Variants in TNKS observed in about 807,000 individuals in gnomAD.
TNKS encodes tankyrase, also known as poly [ADP-ribose] polymerase tankyrase-1.
TNKS carries 72 observed loss-of-function variants against 135.8 expected under a neutral mutation model. That is an observed-to-expected ratio of 0.53 (90% CI 0.44 to 0.64). TNKS has a LOEUF of 0.64. Ranked by LOEUF, TNKS falls within the 30% of genes least tolerant of loss-of-function variation. The pLI, the probability that TNKS is intolerant of heterozygous loss-of-function variation, is 0.00. For missense variants in TNKS, 1,769 were observed against 1,674.0 expected (o/e 1.06, Z -0.99); for synonymous variants, 849 against 649.3 (o/e 1.31, Z -4.68).
chr8:9,756,438 C>A (rs1307900164), intron 20 of TNKS, among the ~76,000 whole-genome samples: 1 of 151,552 alleles, frequency 6.6e-6, no homozygotes, highest in African/African-American at 2.4e-5. Flanking sequence ...AATCTTTATT[C>A]TTAGTAATTT....
intron 3 of TNKS, among the ~76,000 whole-genome samples, chr8:9,668,278 G>T (rs1802096144): frequency 6.6e-6 from 1 of 152,200 alleles, no homozygotes; most frequent in Admixed American, 6.5e-5. Context: ...AGAAATGATG[G>T]TTCCTAACCT....
rs377627322 is a variant in TNKS, at chr8:9,555,928, G to A, written c.-12G>A. On this transcript the variant is annotated 5_prime_UTR_variant, in exon 1 of 27. Coordinates refer to ENST00000310430, the MANE Select transcript of TNKS (RefSeq NM_003747.3). ...GCCGTTGCCGCAGTGACAGTGCTAG[G>A]GGAGTCCGAAGATGGCGGCGTCGCG... 25 of 1,605,192 alleles carry A rather than the reference G, an allele frequency of 1.6e-5. No homozygotes were observed. The African/African-American group carries it at 2.8e-4, about 18-fold the overall frequency.
intron 1 of TNKS, among the ~76,000 whole-genome samples, chr8:9,560,051 T>C (rs926641415): frequency 6.6e-6 from 1 of 152,170 alleles, no homozygotes; most frequent in Admixed American, 6.5e-5. Flanking sequence ...ACAGATGTGG[T>C]CCTTGACCCT....
intron 17 of TNKS, among the ~76,000 whole-genome samples, chr8:9,740,055 T>TAA (rs58285747): frequency 0.016 from 1,357 of 85,872 alleles, no homozygotes; most frequent in East Asian, 0.018. Context: ...TAGAGTATAA[T>TAA]AAAAAAAAAA....
chr8:9,699,183 A>T (rs1803673590), intron 5 of TNKS, among the ~76,000 whole-genome samples: 2 of 152,240 alleles, frequency 1.3e-5, no homozygotes, highest in Admixed American at 1.3e-4. Context: ...TGTGTATTTT[A>T]GAAATGGGGC....
intron 1 of TNKS, among the ~76,000 whole-genome samples, chr8:9,574,135 T>A (rs563877813): frequency 2.0e-5 from 3 of 152,352 alleles, no homozygotes; most frequent in Non-Finnish European, 4.4e-5. Context: ...GCACACCACA[T>A]AGTATATTTT....
chr8:9,661,458 AG>A (rs1801705865), intron 3 of TNKS, among the ~76,000 whole-genome samples: 2 of 152,114 alleles, frequency 1.3e-5, no homozygotes, highest in South Asian at 4.1e-4. Flanking sequence ...ATTTTTGACA[AG>A]CCTGACAAAA....
rs1160133016 is a variant in TNKS, at chr8:9,660,957, A to G, written c.995-18994A>G. 1.3e-4 allele frequency among the ~76,000 whole-genome samples: 19 copies of G among 148,462 alleles called. No individual in the cohort carries two copies. In the Admixed American group the frequency reaches 1.3e-3, roughly 10 times the overall value. On this transcript the variant is annotated intron_variant, in intron 3 of 26. Transcript: ENST00000310430. ...ATACACCAATAGCAGACAGAGAGCCAAATCATGAGTGAACTCCCATTCACA... is the reference window on the plus strand; with the variant it reads ...ATACACCAATAGCAGACAGAGAGCCGAATCATGAGTGAACTCCCATTCACA...
chr8:9,767,544 A>G (rs1333651530), intron 25 of TNKS, among the ~76,000 whole-genome samples: 1 of 152,190 alleles, frequency 6.6e-6, no homozygotes, highest in African/African-American at 2.4e-5. Flanking sequence ...GTGATTATTG[A>G]CCTTAAAACT....
intron 3 of TNKS, among the ~76,000 whole-genome samples, chr8:9,661,799 C>T (rs1000268774): frequency 2.6e-5 from 4 of 152,130 alleles, no homozygotes; most frequent in Non-Finnish European, 5.9e-5. Context: ...GAACGGGCTA[C>T]CTACAGAATG....
At chr8:9,699,542 A>C (rs1047972898) in intron 5 of TNKS, among the ~76,000 whole-genome samples, 1 of 151,802 alleles carries the variant, frequency 6.6e-6, no homozygotes, top group Non-Finnish European at 1.5e-5. Context: ...ATTTATTTCT[A>C]TGTGCCTTCT....
rs1026061416 is a variant in TNKS, at chr8:9,658,492, T to C, written c.995-21459T>C. 46 of 590,154 alleles carry C rather than the reference T, an allele frequency of 7.8e-5. 2 individuals carry two copies. The highest frequency in any genetic ancestry group is 4.6e-4 in the African/African-American group (23 of 49,858). The allele number at this position is 590,154 out of a possible 1,614,324, so 36.6% of individuals were successfully genotyped here. On this transcript the variant is annotated intron_variant, in intron 3 of 26. Transcript: ENST00000310430. The stretch of plus-strand genomic sequence containing the variant: ...TCATATCCAGCCAAACTAAGCTTCA[T>C]AAGTGAAGGAGAAATAAAATCCTTT...
chr8:9,627,892 A>G (rs1168354083), intron 3 of TNKS, among the ~76,000 whole-genome samples: 2 of 152,150 alleles, frequency 1.3e-5, no homozygotes, highest in Admixed American at 6.6e-5. Flanking sequence ...TATTTCATTG[A>G]AAAAATAGAT....
intron 3 of TNKS, among the ~76,000 whole-genome samples, chr8:9,652,804 C>T (rs930447528): frequency 2.6e-5 from 4 of 151,938 alleles, no homozygotes; most frequent in Admixed American, 2.6e-4. Context: ...GTTTTATTTC[C>T]ATTATCCCTG....
intron 3 of TNKS, among the ~76,000 whole-genome samples, chr8:9,632,399 G>A (rs1212608754): frequency 1.3e-5 from 2 of 152,076 alleles, no homozygotes; most frequent in Admixed American, 6.5e-5. Flanking sequence ...GTATTTCAGG[G>A]TGTATTTCTT....
At chr8:9,684,546 G>A (rs1802908444) in intron 5 of TNKS, among the ~76,000 whole-genome samples, 1 of 152,022 alleles carries the variant, frequency 6.6e-6, no homozygotes, top group Non-Finnish European at 1.5e-5. Flanking sequence ...GCAATAGGTA[G>A]GGGTTAGGGA....
chr8:9,690,115 C>T (rs1017908775), intron 5 of TNKS, among the ~76,000 whole-genome samples: 3 of 152,262 alleles, frequency 2.0e-5, no homozygotes, highest in South Asian at 4.1e-4. Flanking sequence ...ATTTCTCATT[C>T]GATGATGAAA....
At chr8:9,731,741 C>T (rs1014162971) in intron 14 of TNKS, among the ~76,000 whole-genome samples, 3 of 152,120 alleles carry the variant, frequency 2.0e-5, no homozygotes, top group Non-Finnish European at 2.9e-5. Flanking sequence ...TTAATAGTCT[C>T]ATTCTTTTAA....
chr8:9,612,735 A>C (rs1799507995), intron 2 of TNKS, among the ~76,000 whole-genome samples: 1 of 152,144 alleles, frequency 6.6e-6, no homozygotes, highest in Admixed American at 6.6e-5. Flanking sequence ...TGAACAATGC[A>C]GGGGTTAGGA....
Sources: allele counts gnomAD v4.1 joint callset (sites outside exome capture counted in the v4.1 genomes callset), GRCh38; gene constraint gnomAD v4.1.1; transcripts MANE v1.5; gene names NCBI Gene and HGNC (gene_info 2026-07-23, HGNC 2026-07-21).